ATF7IP2: variants seen among roughly 807,000 people sequenced by gnomAD.
ATF7IP2 encodes the protein activating transcription factor 7 interacting protein 2, also known as activating transcription factor 7-interacting protein 2.
In ATF7IP2, 42 loss-of-function variants were observed where a neutral mutation model predicts 64.2. The ratio of observed to expected loss-of-function variants is 0.65; its 90% confidence interval spans 0.51 to 0.85. ATF7IP2 has a LOEUF of 0.85. Ranked by LOEUF, ATF7IP2 falls within the 40% of genes least tolerant of loss-of-function variation. ATF7IP2 has a pLI of 0.00. For synonymous variants in ATF7IP2, 308 were observed against 272.8 expected (o/e 1.13, Z -1.27); for missense variants, 933 against 784.2 (o/e 1.19, Z -2.27).
At chr16:10,430,503 GAC>G in intron 4 of ATF7IP2, 106 bp from the exon 5 acceptor site, 1 of 643,086 alleles carries the variant, frequency 1.6e-6, no homozygotes, top group Non-Finnish European at 2.7e-6. Flanking sequence ...AATATGGAGA[GAC>G]AGTGTCAATG....
intron 5 of ATF7IP2, among the ~76,000 whole-genome samples, chr16:10,431,839 T>C (rs1304906565): frequency 7.4e-5 from 11 of 148,914 alleles, no homozygotes; most frequent in Non-Finnish European, 8.9e-5. Context: ...TTTTTTTTTT[T>C]TTGAGACGGA....
intron 1 of ATF7IP2, among the ~76,000 whole-genome samples, chr16:10,405,588 G>A (rs2047621916): frequency 6.6e-6 from 1 of 152,082 alleles, no homozygotes; most frequent in African/African-American, 2.4e-5. Flanking sequence ...ACATCCTGCT[G>A]GACAAAGGCC....
intron 9 of ATF7IP2, 87 bp from the exon 10 acceptor site, chr16:10,472,023 G>A: frequency 1.8e-6 from 1 of 564,916 alleles, no homozygotes; most frequent in Non-Finnish European, 3.0e-6. Context: ...GAAATGTTAA[G>A]TTAGAGGACT....
In ATF7IP2 at chr16:10,438,124, G is replaced by C; in HGVS notation, c.984G>C (p.Glu328Asp). The C allele has an allele frequency of 6.3e-7, 1 of 1,581,048 alleles. No homozygotes were observed. Among genetic ancestry groups the C allele is most frequent in the Non-Finnish European group, 8.6e-7 (1 of 1,166,028 alleles). Residue 328 changes from glutamate to aspartate, a missense_variant, in exon 7 of 14, where the codon GAG becomes GAC. By Grantham distance (45) the Glu-to-Asp change is conservative. Coordinates refer to ENST00000562102, the MANE Select transcript of ATF7IP2 (RefSeq NM_001393719.1). The part of the protein sequence containing the change: ...LEQVRHLIQQ[E>D]IYSINYELFD... ...AGGTCAGACATTTGATTCAGCAGGA[G>C]ATCTATAGCATAAATTATGAACTAT... is the stretch of plus-strand genomic sequence containing the variant.
intron 9 of ATF7IP2, among the ~76,000 whole-genome samples, chr16:10,470,516 G>A (rs1169694867): frequency 6.6e-6 from 1 of 152,120 alleles, no homozygotes; most frequent in Non-Finnish European, 1.5e-5. Context: ...AGGCATGATG[G>A]CTTACACTTA....
chr16:10,443,745 A>G lies in ATF7IP2; in HGVS notation c.1194+3283A>G, dbSNP rs552429715. On this transcript the variant is annotated intron_variant, in intron 8 of 13. Transcript: ENST00000562102. ...GGACAAAATGTATTTCAAGGAGGCTATAGGGTCCCTTCCAGCAACATTGGC... is the reference window on the plus strand; with the variant it reads ...GGACAAAATGTATTTCAAGGAGGCTGTAGGGTCCCTTCCAGCAACATTGGC... Among the ~76,000 whole-genome samples the G allele has an allele frequency of 5.6e-4, 85 of 152,264 alleles. 1 individual carries two copies. The South Asian group carries it at 0.016, about 29-fold the overall frequency.
At chr16:10,432,230 A>T (rs897956497) in intron 5 of ATF7IP2, among the ~76,000 whole-genome samples, 3 of 152,048 alleles carry the variant, frequency 2.0e-5, no homozygotes, top group African/African-American at 7.2e-5. Flanking sequence ...GTGTAGAGAA[A>T]GAGAAGCACC....
chr16:10,390,444 G>A (rs541677447), intron 1 of ATF7IP2, among the ~76,000 whole-genome samples: 2 of 152,158 alleles, frequency 1.3e-5, no homozygotes, highest in African/African-American at 2.4e-5. Flanking sequence ...CTCAACTAAA[G>A]TAGGGCTTAG....
intron 1 of ATF7IP2, among the ~76,000 whole-genome samples, chr16:10,392,049 G>C (rs1478755197): frequency 7.6e-6 from 1 of 131,228 alleles, no homozygotes; most frequent in Non-Finnish European, 1.6e-5. Flanking sequence ...ATGAATGGTT[G>C]TATTATCTTT....
intron 1 of ATF7IP2, among the ~76,000 whole-genome samples, chr16:10,388,159 A>C (rs1433974148): frequency 6.6e-6 from 1 of 152,148 alleles, no homozygotes; most frequent in African/African-American, 2.4e-5. Flanking sequence ...CCAAAGTGCT[A>C]GGATGACAGG....
chr16:10,444,719 C>T (rs976006426), intron 8 of ATF7IP2, among the ~76,000 whole-genome samples: 1 of 152,088 alleles, frequency 6.6e-6, no homozygotes, highest in African/African-American at 2.4e-5. Context: ...TTTCTACCTT[C>T]CTTGATGAAG....
intron 8 of ATF7IP2, among the ~76,000 whole-genome samples, chr16:10,450,798 C>T (rs1316515977): frequency 2.0e-5 from 3 of 152,142 alleles, no homozygotes; most frequent in Non-Finnish European, 4.4e-5. Flanking sequence ...TTAATTGGGG[C>T]ATTTAGCCCA....
intron 12 of ATF7IP2, among the ~76,000 whole-genome samples, chr16:10,478,122 A>G (rs1051370284): frequency 6.6e-6 from 1 of 151,086 alleles, no homozygotes; most frequent in African/African-American, 2.4e-5. Context: ...CAAGCTACCA[A>G]TGACTTTCTT....
chr16:10,473,976 C>T lies in ATF7IP2; in HGVS notation c.1536C>T (p.Ser512=), dbSNP rs753879697. ...TTGATTTGACAAAAGAAGGCCTATC[C>T]AACTGCAATACAGGTAAAAGGATTT... ...SIIDLTKEGL[S]NCNTESPVSP... The change falls in exon 12 of 14, where the codon TCC becomes TCT. Residue 512 remains serine, a synonymous_variant. Transcript: ENST00000562102. 3 of 1,596,912 alleles carry T rather than the reference C, an allele frequency of 1.9e-6. No homozygotes were observed. The South Asian group carries it at 3.3e-5, about 18-fold the overall frequency.
At chr16:10,472,604 C>T (rs1418351172) in intron 10 of ATF7IP2, among the ~76,000 whole-genome samples, 1 of 151,974 alleles carries the variant, frequency 6.6e-6, no homozygotes, top group Admixed American at 6.6e-5. Context: ...ACCTGTAATC[C>T]AAGCACTTTG....
chr16:10,427,499 T>C (rs183282340), intron 3 of ATF7IP2, among the ~76,000 whole-genome samples: 1 of 152,300 alleles, frequency 6.6e-6, no homozygotes, highest in East Asian at 1.9e-4. Flanking sequence ...CTTTTCAGTA[T>C]CTAGAAATTC....
chr16:10,458,241 C>T (rs970750085), intron 9 of ATF7IP2, among the ~76,000 whole-genome samples: 6 of 152,042 alleles, frequency 3.9e-5, no homozygotes, highest in Non-Finnish European at 8.8e-5. Context: ...ATATTGGGCC[C>T]ACATTTTAGT....
intron 10 of ATF7IP2, among the ~76,000 whole-genome samples, chr16:10,472,908 C>G (rs1034285654): frequency 6.6e-6 from 1 of 150,638 alleles, no homozygotes; most frequent in African/African-American, 2.5e-5. Flanking sequence ...TAACTTTTCT[C>G]TCTCTCAAAA....
At position 10,481,992 on chromosome 16, in the gene ATF7IP2, A is replaced by G. The variant is rs760259876; in HGVS notation, c.1792A>G (p.Ile598Val). The change falls in exon 14 of 14, where the codon ATA becomes GTA. Residue 598 changes from isoleucine (I) to valine (V), a missense_variant. By Grantham distance (29) the Ile-to-Val change is conservative (BLOSUM62 3). Coordinates refer to ENST00000562102, the MANE Select transcript of ATF7IP2 (RefSeq NM_001393719.1). ...CAATGGCATTGCCCTGACTTGGAAT[A>G]TAACCAAAATCAATCCCAAGTGTGC... is the stretch of plus-strand genomic sequence containing the variant. The part of the protein sequence containing the change: ...RPNGIALTWN[I>V]TKINPKCAPV... The G allele has an allele frequency of 6.2e-7, 1 of 1,614,130 alleles. No homozygotes were observed. Among genetic ancestry groups the G allele is most frequent in the Non-Finnish European group, 8.5e-7 (1 of 1,180,018 alleles).
Sources: gnomAD v4.1 joint callset for allele counts (sites outside exome capture counted in the v4.1 genomes callset) on GRCh38, gnomAD v4.1.1 for gene constraint, MANE v1.5 for transcripts, NCBI Gene and HGNC (gene_info 2026-07-23, HGNC 2026-07-21) for gene names.